The following PIP5K1B variants were observed in gnomAD, a reference collection of about 807,000 sequenced individuals.
PIP5K1B encodes phosphatidylinositol-4-phosphate 5-kinase type 1 beta.
Under a neutral mutation model 67.0 loss-of-function variants are expected in PIP5K1B, and 42 were observed. The ratio of observed to expected loss-of-function variants is 0.63; its 90% CI spans 0.49 to 0.81. The LOEUF (loss-of-function observed/expected upper bound fraction) is 0.81. PIP5K1B is among the 30% of genes least tolerant of loss of function. PIP5K1B has a pLI of 0.00. For synonymous variants in PIP5K1B, 214 were observed against 231.4 expected, an observed-to-expected ratio of 0.92 and a Z score of 0.68; for missense variants, 459 against 646.3, an observed-to-expected ratio of 0.71 and a Z score of 3.14.
intron 1 of PIP5K1B, chr9:68,707,886 A>C (rs1185976401): frequency 6.6e-6 from 1 of 152,202 alleles, no homozygotes; most frequent in African/African-American, 2.4e-5. Context: ...AGTGTCTCAC[A>C]TATAAAACAA....
intron 7 of PIP5K1B, among the ~76,000 whole-genome samples, chr9:68,894,123 A>G (rs1449033225): frequency 2.0e-5 from 3 of 152,204 alleles, no homozygotes; most frequent in African/African-American, 7.2e-5. Context: ...CAATCCAGTC[A>G]CTTTCACTGC....
intron 7 of PIP5K1B, among the ~76,000 whole-genome samples, chr9:68,893,365 G>A (rs575347835): frequency 3.6e-5 from 4 of 110,758 alleles, no homozygotes; most frequent in Admixed American, 1.4e-4. Context: ...ACAGAGTCTC[G>A]CTCTGTCACC....
intron 14 of PIP5K1B, among the ~76,000 whole-genome samples, chr9:68,974,946 G>A (rs1028771336): frequency 6.6e-6 from 1 of 152,244 alleles, no homozygotes; most frequent in Non-Finnish European, 1.5e-5. Context: ...GTGACAACCT[G>A]AGTAGAGTCT....
intron 12 of PIP5K1B, among the ~76,000 whole-genome samples, chr9:68,925,407 C>A (rs1290744260): frequency 1.3e-5 from 2 of 152,100 alleles, no homozygotes; most frequent in African/African-American, 4.8e-5. Context: ...TAAATTATGC[C>A]ACTCTGATAA....
At chr9:68,852,578 A>C (rs925535355) in intron 4 of PIP5K1B, among the ~76,000 whole-genome samples, 1 of 152,218 alleles carries the variant, frequency 6.6e-6, no homozygotes, top group African/African-American at 2.4e-5. Context: ...ACTAGAAGCC[A>C]GAGGGAGCCC....
At chr9:68,851,136 CT>C (rs1822463439) in intron 4 of PIP5K1B, among the ~76,000 whole-genome samples, 1 of 152,198 alleles carries the variant, frequency 6.6e-6, no homozygotes, top group Non-Finnish European at 1.5e-5. Context: ...AGGGAACATG[CT>C]TTGCTGCCAA....
chr9:68,720,091 C>T (rs1827816584), intron 1 of PIP5K1B, among the ~76,000 whole-genome samples: 1 of 152,204 alleles, frequency 6.6e-6, no homozygotes, highest in Admixed American at 6.5e-5. Context: ...AGAACAGTGT[C>T]CAGCACAAAG....
chr9:68,731,786 A>G (rs1250962005), intron 1 of PIP5K1B, among the ~76,000 whole-genome samples: 1 of 152,250 alleles, frequency 6.6e-6, no homozygotes, highest in East Asian at 1.9e-4. Context: ...AGGCTGGTAC[A>G]CAGGGCAAAT....
chr9:68,899,665 GTCC>G (rs1326083045), intron 8 of PIP5K1B, among the ~76,000 whole-genome samples: 1 of 152,200 alleles, frequency 6.6e-6, no homozygotes, highest in Non-Finnish European at 1.5e-5. Flanking sequence ...TGTACTGGTT[GTCC>G]TCCTATCAAG....
intron 14 of PIP5K1B, among the ~76,000 whole-genome samples, chr9:68,974,036 C>G (rs1446810802): frequency 1.3e-5 from 2 of 152,156 alleles, no homozygotes; most frequent in Non-Finnish European, 1.5e-5. Context: ...TGCCACCATG[C>G]CTGGCTAATT....
chr9:68,799,099 T>C (rs575879240), intron 2 of PIP5K1B, among the ~76,000 whole-genome samples: 3 of 152,340 alleles, frequency 2.0e-5, no homozygotes, highest in African/African-American at 7.2e-5. Flanking sequence ...TAATATGTTT[T>C]TGAGGATTCT....
chr9:68,979,190 A>G (rs1335874476), intron 14 of PIP5K1B, among the ~76,000 whole-genome samples: 1 of 152,232 alleles, frequency 6.6e-6, no homozygotes, highest in African/African-American at 2.4e-5. Flanking sequence ...TCAAGGCAAT[A>G]TGTGTAGGAC....
At chr9:68,989,464 T>G (rs1408877268) in intron 14 of PIP5K1B, among the ~76,000 whole-genome samples, 1 of 152,078 alleles carries the variant, frequency 6.6e-6, no homozygotes, top group African/African-American at 2.4e-5. Context: ...GACCATAGGC[T>G]GCTGTTGGTT....
chr9:68,785,783 G>A (rs1364142526), intron 2 of PIP5K1B, among the ~76,000 whole-genome samples: 6 of 152,130 alleles, frequency 3.9e-5, no homozygotes, highest in African/African-American at 9.7e-5. Flanking sequence ...GAATGGGTTC[G>A]TACACAATGT....
intron 14 of PIP5K1B, among the ~76,000 whole-genome samples, chr9:68,983,525 C>A (rs921780385): frequency 2.7e-5 from 4 of 149,468 alleles, no homozygotes; most frequent in Non-Finnish European, 4.5e-5. Context: ...ATCTCATTGT[C>A]TGTCTTCTTT....
intron 14 of PIP5K1B, among the ~76,000 whole-genome samples, chr9:68,980,072 A>G (rs1829825907): frequency 6.6e-6 from 1 of 152,150 alleles, no homozygotes; most frequent in Non-Finnish European, 1.5e-5. Context: ...GCTGAGCATG[A>G]AGGAGCCGCT....
At chr9:68,775,621 C>A (rs937468315) in intron 2 of PIP5K1B, among the ~76,000 whole-genome samples, 1 of 152,180 alleles carries the variant, frequency 6.6e-6, no homozygotes, top group Non-Finnish European at 1.5e-5. Context: ...TCACTCACAG[C>A]AGCATGTAAT....
At chr9:68,884,217 G>A (rs1030335593) in intron 6 of PIP5K1B, among the ~76,000 whole-genome samples, 4 of 152,104 alleles carry the variant, frequency 2.6e-5, no homozygotes, top group Non-Finnish European at 5.9e-5. Flanking sequence ...ACAATCTACA[G>A]ATTGGGTAAA....
At chr9:68,807,357 T>A (rs915102463) in intron 2 of PIP5K1B, among the ~76,000 whole-genome samples, 1 of 152,248 alleles carries the variant, frequency 6.6e-6, no homozygotes, top group South Asian at 2.1e-4. Flanking sequence ...GAAAGGCTTT[T>A]AAAAATTTTT....
Sources: allele counts gnomAD v4.1 joint callset (sites outside exome capture counted in the v4.1 genomes callset), GRCh38; gene constraint gnomAD v4.1.1; transcripts MANE v1.5; gene names NCBI Gene and HGNC (gene_info 2026-07-23, HGNC 2026-07-21).